TRIM33: variants seen among roughly 807,000 people sequenced by gnomAD.
The protein encoded by TRIM33 is E3 ubiquitin-protein ligase TRIM33.
Under a neutral mutation model 125.4 loss-of-function variants are expected in TRIM33, and 20 were observed. The ratio of observed to expected loss-of-function variants is 0.16; its 90% CI spans 0.11 to 0.23. The LOEUF is 0.23. Ranked by LOEUF, TRIM33 falls within the 10% of genes least tolerant of loss-of-function variation. The probability of loss-of-function intolerance (pLI) is 1.00; values close to 1 mark genes in which losing one functional copy is unlikely to be tolerated. For synonymous variants in TRIM33, 564 were observed against 513.9 expected (o/e 1.10, Z -1.32); for missense variants, 920 against 1,411.4 (o/e 0.65, Z 5.58).
intron 4 of TRIM33, among the ~76,000 whole-genome samples, chr1:114,449,616 A>G (rs1649197067): frequency 6.6e-6 from 1 of 152,204 alleles, no homozygotes. Context: ...TCAGCGAGTC[A>G]ACCCTATCTC....
intron 4 of TRIM33, among the ~76,000 whole-genome samples, chr1:114,452,682 G>C (rs1337636763): frequency 6.7e-6 from 1 of 148,268 alleles, no homozygotes; most frequent in Non-Finnish European, 1.5e-5. Context: ...GACTGCTTGA[G>C]GCCAGGAGTT....
intron 4 of TRIM33, among the ~76,000 whole-genome samples, chr1:114,461,066 C>G (rs2878746): frequency 6.6e-6 from 1 of 151,634 alleles, no homozygotes. Flanking sequence ...GAGGCCGGGG[C>G]CAAGCTCAGT....
intron 11 of TRIM33, among the ~76,000 whole-genome samples, chr1:114,413,908 T>C (rs1193684752): frequency 2.6e-5 from 4 of 151,992 alleles, no homozygotes; most frequent in Non-Finnish European, 5.9e-5. Context: ...GTGCCCGTAG[T>C]CCCAGTTACT....
chr1:114,425,787 T>C, intron 8 of TRIM33, 64 bp from the exon 9 acceptor site: 3 of 1,221,022 alleles, frequency 2.5e-6, no homozygotes, highest in Non-Finnish European at 3.5e-6. Context: ...TGTTGAGTAA[T>C]CACCATGTTT....
At chr1:114,457,832 G>C (rs1315480355) in intron 4 of TRIM33, among the ~76,000 whole-genome samples, 1 of 152,188 alleles carries the variant, frequency 6.6e-6, no homozygotes, top group Admixed American at 6.5e-5. Context: ...GCGGGCATGT[G>C]ATTTTCCCCT....
chr1:114,492,677 T>C (rs1011805456), intron 1 of TRIM33, among the ~76,000 whole-genome samples: 8 of 152,210 alleles, frequency 5.3e-5, no homozygotes, highest in Non-Finnish European at 1.2e-4. Flanking sequence ...TAATCTTATA[T>C]TTGCCCTCTT....
Position 114,510,534 on chromosome 1 carries a change from C to T in TRIM33, c.526+17G>A. 6.9e-7 allele frequency: 1 copy of T among 1,458,214 alleles called. No homozygotes were observed. Among genetic ancestry groups the T allele is most frequent in the South Asian group, 1.4e-5 (1 of 73,092 alleles). 90.3% of individuals were successfully genotyped at this position (1,458,214 alleles called of 1,614,324 possible). Reference sequence around the variant, plus strand: ...AATCCCTTGCGGCCCAGATGCCAGGCAGGGCCTCCGGCTCACCTTGCTGGA... The same window carrying T: ...AATCCCTTGCGGCCCAGATGCCAGGTAGGGCCTCCGGCTCACCTTGCTGGA... On this transcript the variant is annotated intron_variant, in intron 1 of 19. Transcript: ENST00000358465.
intron 10 of TRIM33, among the ~76,000 whole-genome samples, chr1:114,424,312 C>T (rs1647406298): frequency 6.6e-6 from 1 of 152,126 alleles, no homozygotes. Flanking sequence ...GGTAAAATCA[C>T]CAGCTCATTA....
intron 1 of TRIM33, among the ~76,000 whole-genome samples, chr1:114,502,510 C>T (rs1652774918): frequency 6.6e-6 from 1 of 151,946 alleles, no homozygotes; most frequent in Non-Finnish European, 1.5e-5. Context: ...TACTTTATTA[C>T]TAGTTTTGTT....
chr1:114,440,350 A>G (rs1052951946), intron 4 of TRIM33, among the ~76,000 whole-genome samples: 2 of 141,370 alleles, frequency 1.4e-5, no homozygotes, highest in African/African-American at 5.4e-5. Context: ...ATTTTAGACC[A>G]AAAAAAAAAA....
In TRIM33 at chr1:114,427,736, T is replaced by C; in HGVS notation, c.1302+12A>G. Reference sequence around the variant, plus strand: ...GTCCATTAAAGAAAAATAAAAACAGTATGTGTCTCACCAGTCGCTTGCTGT... The same window carrying C: ...GTCCATTAAAGAAAAATAAAAACAGCATGTGTCTCACCAGTCGCTTGCTGT... On this transcript the variant is annotated intron_variant, in intron 7 of 19. Transcript: ENST00000358465. 2 of 1,610,136 alleles carry C rather than the reference T, an allele frequency of 1.2e-6. No individual in the cohort carries two copies. Among genetic ancestry groups the C allele is most frequent in the Admixed American group, 3.4e-5 (2 of 59,584 alleles).
chr1:114,400,286 T>C (rs1053567958), intron 17 of TRIM33, among the ~76,000 whole-genome samples: 9 of 152,170 alleles, frequency 5.9e-5, no homozygotes, highest in Admixed American at 3.9e-4. Context: ...CTGTGGCTCA[T>C]TGCCACCTCC....
At chr1:114,483,299 C>G (rs918489837) in intron 1 of TRIM33, among the ~76,000 whole-genome samples, 7 of 151,732 alleles carry the variant, frequency 4.6e-5, no homozygotes, top group Non-Finnish European at 1.0e-4. Flanking sequence ...AAAGCAAGAC[C>G]CTGTCTTGAA....
At chr1:114,403,532 G>A (rs78091818) in intron 15 of TRIM33, among the ~76,000 whole-genome samples, 6,585 of 151,784 alleles carry the variant, frequency 0.043, 156 homozygotes, top group South Asian at 0.063. Context: ...CATCATGACC[G>A]GCAGATTTTT....
intron 15 of TRIM33, chr1:114,404,780 C>T (rs1652123892): frequency 1.3e-5 from 2 of 148,466 alleles, no homozygotes; most frequent in African/African-American, 5.0e-5. Flanking sequence ...ATTAAAGTTA[C>T]TGCTTCTCAG....
At chr1:114,505,194 A>T (rs1397914163) in intron 1 of TRIM33, among the ~76,000 whole-genome samples, 1 of 152,216 alleles carries the variant, frequency 6.6e-6, no homozygotes, top group African/African-American at 2.4e-5. Context: ...ACAATGCTAG[A>T]CAGAAGTTGT....
rs111699898 is a variant in TRIM33 at position 114,401,099 on chromosome 1, C to T, written c.2967+290G>A. Among the ~76,000 whole-genome samples, 1,495 of 150,248 alleles carry T rather than the reference C, an allele frequency of 1.0e-2. 20 individuals are homozygous for T. Among genetic ancestry groups the T allele is most frequent in the African/African-American group, 0.026 (1,072 of 40,790 alleles). On this transcript the variant is annotated intron_variant, in intron 17 of 19. Transcript: ENST00000358465. ...TCGCCCAGGCTGGAGTGCAGTGGCG[C>T]GATCTCGGCTCACTGCAAGCTCCGC...
intron 4 of TRIM33, among the ~76,000 whole-genome samples, chr1:114,447,385 A>G (rs918571987): frequency 6.6e-6 from 1 of 151,964 alleles, no homozygotes; most frequent in African/African-American, 2.4e-5. Flanking sequence ...TTTTTGGCCT[A>G]TGCAACTGAA....
At chr1:114,490,084 CAAAAAAAA>C (rs776451339) in intron 1 of TRIM33, among the ~76,000 whole-genome samples, 2 of 37,642 alleles carry the variant, frequency 5.3e-5, no homozygotes, top group Non-Finnish European at 1.0e-4. Flanking sequence ...GACTCCGTCT[CAAAAAAAA>C]AAAAAAAAAA....
Sources: gnomAD v4.1 joint callset for allele counts (sites outside exome capture counted in the v4.1 genomes callset) on GRCh38, gnomAD v4.1.1 for gene constraint, MANE v1.5 for transcripts, NCBI Gene and HGNC (gene_info 2026-07-23, HGNC 2026-07-21) for gene names.